The following GALNT8 variants were observed in gnomAD, a reference collection of about 807,000 sequenced individuals.
GALNT8 encodes probable polypeptide N-acetylgalactosaminyltransferase 8.
A neutral mutation model predicts 62.7 loss-of-function variants in GALNT8; 66 were observed. That is an observed-to-expected ratio of 1.05 (90% CI 0.86 to 1.29). The LOEUF (loss-of-function observed/expected upper bound fraction) is 1.29, where lower values mean the gene tolerates loss of function less well. GALNT8 is among the 50% of genes most tolerant of loss of function. The pLI, the probability that GALNT8 is intolerant of heterozygous loss-of-function variation, is 0.00. For synonymous variants in GALNT8, 288 were observed against 294.3 expected, an observed-to-expected ratio of 0.98 and a Z score of 0.22; for missense variants, 771 against 791.8, an observed-to-expected ratio of 0.97 and a Z score of 0.32.
rs780520873 is a variant in GALNT8 at position 4,763,375 on chromosome 12, C to T, written c.1482C>T (p.Ile494=). 11 of 1,612,358 alleles carry T rather than the reference C, an allele frequency of 6.8e-6. No individual in the cohort carries two copies. The highest frequency in any genetic ancestry group is 8.5e-6 in the Non-Finnish European group (10 of 1,178,600). ...VYPLLKPLHT[I]VGYGRMKNLL... is the part of the protein sequence containing the mutation. ...CACTCTTGAAGCCACTCCACACCATCGTGGGCTATGGAAGAGTATGTATTA... is the reference window on the plus strand; with the variant it reads ...CACTCTTGAAGCCACTCCACACCATTGTGGGCTATGGAAGAGTATGTATTA... Residue 494 remains isoleucine (I), a synonymous_variant, in exon 8 of 11, where the codon ATC becomes ATT. Coordinates refer to ENST00000252318, the MANE Select transcript of GALNT8 (RefSeq NM_017417.2).
At chr12:4,751,342 A>G (rs1946321583) in intron 6 of GALNT8, among the ~76,000 whole-genome samples, 1 of 152,168 alleles carries the variant, frequency 6.6e-6, no homozygotes, top group Non-Finnish European at 1.5e-5. Flanking sequence ...CTAGTTCTTT[A>G]AGATGCATCA....
At chr12:4,752,735 G>T (rs961681704) in intron 6 of GALNT8, among the ~76,000 whole-genome samples, 1 of 152,230 alleles carries the variant, frequency 6.6e-6, no homozygotes, top group African/African-American at 2.4e-5. Context: ...ATAATATTCT[G>T]TGGTTTTCTG....
At chr12:4,723,266 C>T (rs1412950013) in intron 1 of GALNT8, among the ~76,000 whole-genome samples, 6 of 152,226 alleles carry the variant, frequency 3.9e-5, no homozygotes, top group East Asian at 1.9e-4. Flanking sequence ...AAGAGTGATA[C>T]GGGGCAAGAG....
At chr12:4,745,263 G>C (rs1176429524) in intron 4 of GALNT8, among the ~76,000 whole-genome samples, 166 bp from the exon 5 acceptor site, 1 of 152,140 alleles carries the variant, frequency 6.6e-6, no homozygotes, top group South Asian at 2.1e-4. Flanking sequence ...ATCCCGAAAG[G>C]TTACAGAGAT....
At chr12:4,758,635 TGTGAGA>T (rs1413522601) in intron 6 of GALNT8, among the ~76,000 whole-genome samples, 3,728 of 46,498 alleles carry the variant, frequency 0.08, 49 homozygotes, top group Non-Finnish European at 0.12. Context: ...TGTGTGTGTG[TGTGAGA>T]GAGAGAGAGA....
rs1170432658 is a variant in GALNT8 at position 4,726,549 on chromosome 12, GC to G, written c.230del (p.Ala77ValfsTer2). ...ATTTGCAGAAGAAAGTATGAAATTAGCTCTGAGGCAACAAGAAAATGTGAAC... is the reference window on the plus strand; with the variant it reads ...ATTTGCAGAAGAAAGTATGAAATTAGTCTGAGGCAACAAGAAAATGTGAAC... The part of the protein sequence containing the change: ...LQDLKESMKL[A>X]LRQQENVNST... On this transcript the variant is annotated frameshift_variant, in exon 2 of 11. Transcript: ENST00000252318. LOFTEE classifies it high-confidence loss of function. The surrounding 1 kb of genome is among the most constrained non-coding windows in gnomAD (Gnocchi z 4.1). 6.2e-7 allele frequency: 1 copy of G among 1,612,324 alleles called. No homozygotes were observed. Among genetic ancestry groups the G allele is most frequent in the African/African-American group, 1.3e-5 (1 of 74,782 alleles).
At position 4,765,687 on chromosome 12, in the gene GALNT8, G is replaced by C. The variant is rs1052235664; in HGVS notation, c.1761+141G>C. On this transcript the variant is annotated intron_variant, in intron 10 of 10. Transcript: ENST00000252318. The stretch of plus-strand genomic sequence containing the variant: ...ACTGACAGAAAAGAGATTTGGGTTG[G>C]CTGTGAGATCTGGAAGGCAGGACAT... 1.1e-5 allele frequency: 7 copies of C among 611,364 alleles called. No individual in the cohort carries two copies. The African/African-American group carries it at 1.3e-4, about 12-fold the overall frequency. 37.9% of individuals were successfully genotyped at this position (611,364 alleles called of 1,614,324 possible).
intron 6 of GALNT8, among the ~76,000 whole-genome samples, chr12:4,753,303 A>AT (rs1946330314): frequency 6.6e-6 from 1 of 151,838 alleles, no homozygotes; most frequent in Non-Finnish European, 1.5e-5. Context: ...TAACTCTTAC[A>AT]TTTTTCCTTT....
intron 2 of GALNT8, among the ~76,000 whole-genome samples, chr12:4,731,333 G>A (rs1402675007): frequency 6.6e-6 from 1 of 151,958 alleles, no homozygotes; most frequent in Admixed American, 6.6e-5. Flanking sequence ...ACTGATTTTT[G>A]TATGTTGATT....
intron 10 of GALNT8, chr12:4,768,406 A>G (rs776754824): frequency 5.2e-6 from 2 of 381,424 alleles, no homozygotes; most frequent in Non-Finnish European, 1.0e-5. Context: ...ATTTTTTCAT[A>G]TCTTTTTTTT....
At chr12:4,746,046 T>C (rs112117197) in intron 5 of GALNT8, 98 bp from the exon 6 acceptor site, 1 of 709,994 alleles carries the variant, frequency 1.4e-6, no homozygotes. Context: ...AAGAACAGAC[T>C]TAGGTAGAGT....
chr12:4,763,737 T>C (rs1238877470), intron 8 of GALNT8, among the ~76,000 whole-genome samples: 1 of 150,746 alleles, frequency 6.6e-6, no homozygotes, highest in Non-Finnish European at 1.5e-5. Context: ...GTGATGGGTG[T>C]TTCCCGGATG....
intron 1 of GALNT8, among the ~76,000 whole-genome samples, chr12:4,722,337 T>C (rs1290499423): frequency 6.6e-6 from 1 of 152,142 alleles, no homozygotes; most frequent in African/African-American, 2.4e-5. Flanking sequence ...TGATGTGCCA[T>C]TGTGGTTGTG....
At chr12:4,743,890 A>G (rs780197525) in intron 3 of GALNT8, among the ~76,000 whole-genome samples, 14 of 152,230 alleles carry the variant, frequency 9.2e-5, no homozygotes, top group Non-Finnish European at 1.6e-4. Context: ...GGCTGAGCCC[A>G]AGAACAAAGC....
At chr12:4,745,401 C>G (rs377455111) in intron 4 of GALNT8, 28 bp from the exon 5 acceptor site, 50 of 1,485,376 alleles carry the variant, frequency 3.4e-5, no homozygotes, top group African/African-American at 1.4e-5. Context: ...CATATCCAAG[C>G]TGGGCTTTCT....
intron 1 of GALNT8, among the ~76,000 whole-genome samples, chr12:4,725,807 G>T (rs1353133533): frequency 6.6e-6 from 1 of 152,096 alleles, no homozygotes; most frequent in Non-Finnish European, 1.5e-5. Context: ...GCCCACCTCG[G>T]CCTCCCAAAG....
intron 6 of GALNT8, among the ~76,000 whole-genome samples, chr12:4,747,436 G>C (rs1946304996): frequency 6.6e-6 from 1 of 151,994 alleles, no homozygotes; most frequent in South Asian, 2.1e-4. Flanking sequence ...CAATTGTTTT[G>C]ATTTTTAAAT....
In GALNT8 at chr12:4,726,851, C is replaced by T; in HGVS notation, c.509+22C>T. ...ACAGGTGGGATGAACCAGGCTTGGG[C>T]TTCTAGGGTCCTCAGTTTGATTTGA... On this transcript the variant is annotated intron_variant, in intron 2 of 10. Transcript: ENST00000252318. This position sits in a 1 kb window ranked among gnomAD's most constrained non-coding sequence, Gnocchi z 4.1. 2 of 1,580,614 alleles carry T rather than the reference C, an allele frequency of 1.3e-6. No individual in the cohort carries two copies. Among genetic ancestry groups the T allele is most frequent in the Non-Finnish European group, 1.7e-6 (2 of 1,161,148 alleles).
At chr12:4,738,923 A>C (rs1035830030) in intron 2 of GALNT8, among the ~76,000 whole-genome samples, 7 of 152,224 alleles carry the variant, frequency 4.6e-5, no homozygotes, top group African/African-American at 1.7e-4. Context: ...TGAATGTTCC[A>C]ATGGAAACAT....
Sources: gnomAD v4.1 joint callset for allele counts (sites outside exome capture counted in the v4.1 genomes callset) on GRCh38, gnomAD v4.1.1 for gene constraint, Gnocchi (gnomAD v3.1) non-coding constraint, MANE v1.5 for transcripts, NCBI Gene and HGNC (gene_info 2026-07-23, HGNC 2026-07-21) for gene names.